RD3: variants seen among roughly 807,000 people sequenced by gnomAD.
RD3 encodes protein RD3.
A neutral mutation model predicts 16.9 loss-of-function variants in RD3; 11 were observed. The ratio of observed to expected loss-of-function variants is 0.65; its 90% CI spans 0.41 to 1.08. RD3 has a LOEUF of 1.08. Among genes scored for constraint, RD3 ranks in the 50% least tolerant of loss-of-function variants. RD3 has a pLI of 0.00. For synonymous variants in RD3, 116 were observed against 114.8 expected, an observed-to-expected ratio of 1.01 and a Z score of -0.07; for missense variants, 274 against 267.4, an observed-to-expected ratio of 1.02 and a Z score of -0.17.
chr1:211,490,264 C>T (rs1037991398), intron 1 of RD3, among the ~76,000 whole-genome samples: 3 of 152,262 alleles, frequency 2.0e-5, no homozygotes, highest in Non-Finnish European at 4.4e-5. Flanking sequence ...GTGCCCTCAC[C>T]TCTAGTGAGA....
intron 1 of RD3, among the ~76,000 whole-genome samples, chr1:211,485,123 C>T (rs1023497459): frequency 1.3e-5 from 2 of 152,162 alleles, no homozygotes; most frequent in African/African-American, 2.4e-5. Context: ...GTCCTGCTTC[C>T]CTGGGCTTAA....
chr1:211,487,376 C>T (rs1705394549), intron 1 of RD3, among the ~76,000 whole-genome samples: 2 of 152,210 alleles, frequency 1.3e-5, no homozygotes, highest in Admixed American at 1.3e-4. Context: ...TGATTCTCCC[C>T]ATGTACGCGT....
chr1:211,483,707 G>A (rs1266929255), intron 1 of RD3, among the ~76,000 whole-genome samples: 1 of 151,984 alleles, frequency 6.6e-6, no homozygotes, highest in African/African-American at 2.4e-5. Flanking sequence ...AGGGGTGGGG[G>A]TGTCATGGCC....
At position 211,487,977 on chromosome 1, in the gene RD3, T is replaced by C. The variant is rs141776078; in HGVS notation, c.-12+3791A>G. On this transcript the variant is annotated intron_variant, in intron 1 of 2. Coordinates refer to ENST00000680073, the MANE Select transcript of RD3 (RefSeq NM_001164688.2). ...GCTCTCCTGAGTGGAAAGGGACTCC[T>C]GGGCCTCGGCTGTGTAAGCAGTGCA... is the stretch of plus-strand genomic sequence containing the variant. 7.0e-4 allele frequency among the ~76,000 whole-genome samples: 107 copies of C among 152,342 alleles called. 1 individual carries two copies. The highest frequency in any genetic ancestry group is 2.3e-3 in the African/African-American group (97 of 41,584).
chr1:211,479,154 G>C lies in RD3; in HGVS notation c.470C>G (p.Ala157Gly), dbSNP rs1558178836. The C allele has an allele frequency of 1.2e-6, 2 of 1,612,744 alleles. No homozygotes were observed. Among genetic ancestry groups the C allele is most frequent in the Non-Finnish European group, 1.7e-6 (2 of 1,179,664 alleles). The change falls in exon 3 of 3, where the codon GCG (alanine) becomes GGG (glycine). Residue 157 changes from alanine (A) to glycine (G), a missense_variant. Ala to Gly is a moderately conservative substitution (Grantham distance 60, BLOSUM62 0). Transcript: ENST00000680073. ...RGSLATFKTR[A>G]RISPFASDIR... is the part of the protein sequence containing the mutation. Reference sequence around the variant, plus strand: ...GTCGCTGGCGAAGGGCGAGATGCGCGCGCGGGTCTTGAAGGTGGCCAGGCT... The same window carrying C: ...GTCGCTGGCGAAGGGCGAGATGCGCCCGCGGGTCTTGAAGGTGGCCAGGCT...
intron 1 of RD3, among the ~76,000 whole-genome samples, chr1:211,483,116 T>TA (rs1161799808): frequency 6.6e-6 from 1 of 151,904 alleles, no homozygotes; most frequent in East Asian, 1.9e-4. Flanking sequence ...AATCTCTACT[T>TA]ACCGATGGAG....
At chr1:211,484,070 G>A (rs964389435) in intron 1 of RD3, among the ~76,000 whole-genome samples, 10 of 152,112 alleles carry the variant, frequency 6.6e-5, no homozygotes, top group African/African-American at 1.9e-4. Context: ...TCCCATCTCC[G>A]AGGTAGATGT....
intron 2 of RD3, among the ~76,000 whole-genome samples, chr1:211,479,923 A>G (rs771818977): frequency 1.3e-5 from 2 of 152,150 alleles, no homozygotes; most frequent in Non-Finnish European, 2.9e-5. Context: ...TACTCTGCCT[A>G]GGCTATCTTT....
chr1:211,479,976 C>G (rs779865188), intron 2 of RD3, among the ~76,000 whole-genome samples: 1 of 152,120 alleles, frequency 6.6e-6, no homozygotes, highest in Non-Finnish European at 1.5e-5. Flanking sequence ...TATTTAATAC[C>G]AGGTTTCCTC....
At chr1:211,489,281 G>T (rs1034259908) in intron 1 of RD3, among the ~76,000 whole-genome samples, 1 of 152,130 alleles carries the variant, frequency 6.6e-6, no homozygotes, top group Non-Finnish European at 1.5e-5. Flanking sequence ...ATGAACTTGG[G>T]TGGGGAAAAA....
chr1:211,478,989 A>G lies in RD3; in HGVS notation c.*47T>C. 6.5e-7 allele frequency: 1 copy of G among 1,527,302 alleles called. No individual in the cohort carries two copies. Among genetic ancestry groups the G allele is most frequent in the Non-Finnish European group, 8.8e-7 (1 of 1,139,470 alleles). 94.6% of individuals were successfully genotyped at this position (1,527,302 alleles called of 1,614,324 possible). On this transcript the variant is annotated 3_prime_UTR_variant, in exon 3 of 3. Transcript: ENST00000680073. ...CCGGCGCTCCGGTCACCGGCCTATC[A>G]TTCCCCCTGCAGAAGGCTCCGCTTC... is the stretch of plus-strand genomic sequence containing the variant.
intron 1 of RD3, among the ~76,000 whole-genome samples, chr1:211,489,743 C>A (rs76162488): frequency 0.052 from 7,954 of 152,126 alleles, 275 homozygotes; most frequent in African/African-American, 0.079. Context: ...GCAAGCTTGA[C>A]CCCAACTTTG....
At chr1:211,485,135 G>T (rs894248148) in intron 1 of RD3, among the ~76,000 whole-genome samples, 1 of 152,180 alleles carries the variant, frequency 6.6e-6, no homozygotes, top group Non-Finnish European at 1.5e-5. Flanking sequence ...TGGGCTTAAG[G>T]CTCCCGACCT....
chr1:211,477,985 G>A lies in RD3; in HGVS notation c.*1051C>T. 1 of 397,812 alleles carries A rather than the reference G, an allele frequency of 2.5e-6. No individual in the cohort carries two copies. Among genetic ancestry groups the A allele is most frequent in the Non-Finnish European group, 4.4e-6 (1 of 225,802 alleles). 24.6% of individuals were successfully genotyped at this position (397,812 alleles called of 1,614,324 possible). A position where few individuals can be genotyped will look rare whatever the true frequency, so the allele number is the denominator to read the frequency against. On this transcript the variant is annotated 3_prime_UTR_variant, in exon 3 of 3. Transcript: ENST00000680073. ...CCATGTTAGAAAAGGGAAGGACAATGAAGCTGCAGGAAGCTCTTCTAGAAC... is the reference window on the plus strand; with the variant it reads ...CCATGTTAGAAAAGGGAAGGACAATAAAGCTGCAGGAAGCTCTTCTAGAAC...
At chr1:211,491,262 C>A (rs1202306845) in intron 1 of RD3, among the ~76,000 whole-genome samples, 1 of 152,238 alleles carries the variant, frequency 6.6e-6, no homozygotes, top group Non-Finnish European at 1.5e-5. Flanking sequence ...GACTGAGGCA[C>A]ATCCATCACC....
chr1:211,479,040 T>A lies in RD3; in HGVS notation c.584A>T (p.Asp195Val), dbSNP rs143207434. The change falls in exon 3 of 3, where the codon GAC becomes GTC. Residue 195 changes from aspartate to valine, a missense_variant. By Grantham distance (152) the Asp-to-Val change is radical. Transcript: ENST00000680073. ...TGGGCAGGGAAGCGGCCGGGGTCAG[T>A]CGGCTTTGGGCGCCCGGAATTCGGG... ...SMPEFRAPKA[D>V] The A allele has an allele frequency of 0.01, 16,173 of 1,596,836 alleles. 116 individuals are homozygous for A. The highest frequency in any genetic ancestry group is 0.011 in the Non-Finnish European group (13,325 of 1,173,478).
At chr1:211,489,864 G>T (rs1234907137) in intron 1 of RD3, among the ~76,000 whole-genome samples, 1 of 152,106 alleles carries the variant, frequency 6.6e-6, no homozygotes, top group East Asian at 1.9e-4. Flanking sequence ...GAGCAGAGTG[G>T]ATGATGGGGA....
chr1:211,485,924 G>T (rs1705363722), intron 1 of RD3, among the ~76,000 whole-genome samples: 1 of 151,640 alleles, frequency 6.6e-6, no homozygotes, highest in African/African-American at 2.4e-5. Flanking sequence ...TGGGAGGCTT[G>T]AGTTCAGGAG....
intron 1 of RD3, among the ~76,000 whole-genome samples, chr1:211,482,060 TA>T (rs1478298958): frequency 2.0e-5 from 3 of 152,038 alleles, no homozygotes; most frequent in Admixed American, 2.0e-4. Context: ...CTGTCTCTAC[TA>T]AAAATACAAA....
Sources: allele counts gnomAD v4.1 joint callset (sites outside exome capture counted in the v4.1 genomes callset), GRCh38; gene constraint gnomAD v4.1.1; transcripts MANE v1.5; gene names NCBI Gene and HGNC (gene_info 2026-07-23, HGNC 2026-07-21).